The following GRIN3A variants were observed in gnomAD, a reference collection of about 807,000 sequenced individuals.
GRIN3A encodes the protein glutamate receptor ionotropic, NMDA 3A.
GRIN3A carries 47 observed loss-of-function variants against 92.4 expected under a neutral mutation model. The ratio of observed to expected loss-of-function variants is 0.51; its 90% CI spans 0.40 to 0.65. GRIN3A has a LOEUF of 0.65. Among genes scored for constraint, GRIN3A ranks in the 30% least tolerant of loss-of-function variants. The pLI is 0.00. For missense variants in GRIN3A, 1,324 were observed against 1,393.1 expected, an observed-to-expected ratio of 0.95 and a Z score of 0.79; for synonymous variants, 527 against 540.6, an observed-to-expected ratio of 0.97 and a Z score of 0.35.
At chr9:101,724,617 G>C (rs1306138939) in intron 1 of GRIN3A, among the ~76,000 whole-genome samples, 1 of 152,234 alleles carries the variant, frequency 6.6e-6, no homozygotes, top group Non-Finnish European at 1.5e-5. Context: ...CCAGGCAGAG[G>C]AGGCGCCCAG....
At chr9:101,591,737 T>C (rs1313012772) in intron 6 of GRIN3A, 1 of 152,236 alleles carries the variant, frequency 6.6e-6, no homozygotes, top group Non-Finnish European at 1.5e-5. Flanking sequence ...TGTGATTCTT[T>C]TAACCCAAAT....
At chr9:101,667,636 C>A (rs1829257983) in intron 3 of GRIN3A, among the ~76,000 whole-genome samples, 1 of 135,326 alleles carries the variant, frequency 7.4e-6, no homozygotes, top group South Asian at 2.3e-4. Flanking sequence ...AGGAATTTAG[C>A]ATTAATAGGA....
intron 5 of GRIN3A, among the ~76,000 whole-genome samples, chr9:101,615,999 T>G (rs1369501341): frequency 6.6e-6 from 1 of 152,232 alleles, no homozygotes; most frequent in African/African-American, 2.4e-5. Flanking sequence ...ATAATAATTA[T>G]GCTGTGTCTT....
intron 3 of GRIN3A, among the ~76,000 whole-genome samples, chr9:101,655,855 A>C (rs1017729342): frequency 1.3e-5 from 2 of 152,000 alleles, no homozygotes; most frequent in Admixed American, 6.6e-5. Flanking sequence ...AAATGAAAAG[A>C]AAATAATGGG....
chr9:101,678,244 G>A (rs770023244), intron 2 of GRIN3A, among the ~76,000 whole-genome samples: 2 of 152,160 alleles, frequency 1.3e-5, no homozygotes, highest in Non-Finnish European at 2.9e-5. Context: ...CAGAAGAATG[G>A]GGCTCATTAA....
Position 101,703,342 on chromosome 9 carries a change from C to T in GRIN3A, c.700-16142G>A, listed in dbSNP as rs12551500. ...GGTTGCTGCTCCATCTGAGTGGAAC[C>T]TTCTTCCTCTAGATCACTATGCGGC... On this transcript the variant is annotated intron_variant, in intron 1 of 8. Coordinates refer to ENST00000361820, the MANE Select transcript of GRIN3A (RefSeq NM_133445.3). Among the ~76,000 whole-genome samples the T allele has an allele frequency of 9.8e-3, 1,496 of 152,248 alleles. 25 individuals are homozygous for T. Among genetic ancestry groups the T allele is most frequent in the African/African-American group, 0.034 (1,427 of 41,516 alleles).
intron 3 of GRIN3A, among the ~76,000 whole-genome samples, chr9:101,638,643 G>C (rs1051164078): frequency 6.6e-6 from 1 of 152,234 alleles, no homozygotes; most frequent in African/African-American, 2.4e-5. Context: ...AGCTCACCAT[G>C]TGCCAGGCAC....
At chr9:101,579,083 C>A in intron 7 of GRIN3A, 113 bp downstream of exon 7, 1 of 1,086,138 alleles carries the variant, frequency 9.2e-7, no homozygotes, top group Non-Finnish European at 1.4e-6. Context: ...GCCTACCCCA[C>A]CCTCGTTATT....
chr9:101,620,766 C>T lies in GRIN3A; in HGVS notation c.2614+2552G>A, dbSNP rs147046218. Among the ~76,000 whole-genome samples, 23 of 152,148 alleles carry T rather than the reference C, an allele frequency of 1.5e-4. No individual in the cohort carries two copies. The East Asian group carries it at 3.7e-3, about 24-fold the overall frequency. On this transcript the variant is annotated intron_variant, in intron 5 of 8. Transcript: ENST00000361820. Reference sequence around the variant, plus strand: ...ACTAAATGACCAAGTATTGCTCATACACCGCTTTGATGATTTTTTATACCT... The same window carrying T: ...ACTAAATGACCAAGTATTGCTCATATACCGCTTTGATGATTTTTTATACCT...
chr9:101,651,636 TTG>T (rs57126529), intron 3 of GRIN3A, among the ~76,000 whole-genome samples: 11,290 of 145,948 alleles, frequency 0.077, 534 homozygotes, highest in East Asian at 0.21. Flanking sequence ...AATAAATCCA[TTG>T]TGTGTGTGTG....
intron 3 of GRIN3A, among the ~76,000 whole-genome samples, chr9:101,657,045 G>C (rs1248319174): frequency 6.6e-6 from 1 of 151,910 alleles, no homozygotes; most frequent in Admixed American, 6.6e-5. Context: ...GAAAACAGGA[G>C]TATCATCTCT....
intron 8 of GRIN3A, among the ~76,000 whole-genome samples, chr9:101,575,934 A>G (rs751884230): frequency 6.6e-6 from 1 of 152,224 alleles, no homozygotes; most frequent in Non-Finnish European, 1.5e-5. Flanking sequence ...TTGTATATCT[A>G]TCTGGTAATA....
intron 3 of GRIN3A, among the ~76,000 whole-genome samples, chr9:101,644,680 C>T (rs1828913213): frequency 1.3e-5 from 2 of 149,422 alleles, no homozygotes; most frequent in Admixed American, 6.6e-5. Flanking sequence ...CTGTAAAACT[C>T]AAACGGAAGT....
At chr9:101,588,631 A>T (rs895577890) in intron 6 of GRIN3A, among the ~76,000 whole-genome samples, 1 of 152,168 alleles carries the variant, frequency 6.6e-6, no homozygotes, top group Non-Finnish European at 1.5e-5. Context: ...GATTACCCAT[A>T]ATCCTTGTAC....
At position 101,664,893 on chromosome 9, in the gene GRIN3A, A is replaced by G. The variant is rs1036182620; in HGVS notation, c.2352+5167T>C. On this transcript the variant is annotated intron_variant, in intron 3 of 8. Coordinates refer to ENST00000361820, the MANE Select transcript of GRIN3A (RefSeq NM_133445.3). ...CATTCATTGTAAGTTATCTGCTATC[A>G]GGGTTACAGATACGTAGCCAGGGCT... Among the ~76,000 whole-genome samples, 17 of 151,990 alleles carry G rather than the reference A, an allele frequency of 1.1e-4. 1 individual carries two copies. Among genetic ancestry groups the G allele is most frequent in the African/African-American group, 3.9e-4 (16 of 41,428 alleles).
intron 5 of GRIN3A, among the ~76,000 whole-genome samples, chr9:101,617,180 A>G (rs28710967): frequency 2.8e-5 from 4 of 141,594 alleles, no homozygotes; most frequent in African/African-American, 1.1e-4. Flanking sequence ...GCAGTCCGGC[A>G]TGGGCGACAG....
chr9:101,676,958 T>G (rs1181997633), intron 2 of GRIN3A, among the ~76,000 whole-genome samples: 1 of 151,924 alleles, frequency 6.6e-6, no homozygotes, highest in Non-Finnish European at 1.5e-5. Context: ...AATCTTCTAA[T>G]TAAAAACTCA....
Position 101,737,967 on chromosome 9 carries a change from T to C in GRIN3A, c.13A>G (p.Ser5Gly). ...ACCCTGCTCAGCAGCCACCACAAAC[T>C]CAGTCTCCTCATTACTGAGACCCGC... MRRL[S>G]LWWLLSRVCL... Residue 5 changes from serine (S) to glycine (G), a missense_variant, in exon 1 of 9, where the codon AGT becomes GGT. Physicochemically the swap from Ser to Gly is moderately conservative, Grantham distance 56 (BLOSUM62 0). Coordinates refer to ENST00000361820, the MANE Select transcript of GRIN3A (RefSeq NM_133445.3). 6.5e-7 allele frequency: 1 copy of C among 1,535,906 alleles called. No individual in the cohort carries two copies.
At chr9:101,628,187 CTG>C in intron 4 of GRIN3A, 67 bp downstream of exon 4, 3 of 1,498,754 alleles carry the variant, frequency 2.0e-6, no homozygotes, top group Non-Finnish European at 2.8e-6. Flanking sequence ...CTAACATATA[CTG>C]CGTCAGTAGC....
Sources: gnomAD v4.1 joint callset for allele counts (sites outside exome capture counted in the v4.1 genomes callset) on GRCh38, gnomAD v4.1.1 for gene constraint, MANE v1.5 for transcripts, NCBI Gene and HGNC (gene_info 2026-07-23, HGNC 2026-07-21) for gene names.